CACNA1B: variants seen among roughly 807,000 people sequenced by gnomAD.
The protein encoded by CACNA1B is voltage-dependent N-type calcium channel subunit alpha-1B.
In CACNA1B, 70 loss-of-function variants were observed where a neutral mutation model predicts 247.2. That is an observed-to-expected ratio of 0.28 (90% CI 0.23 to 0.35). CACNA1B has a LOEUF of 0.35. CACNA1B is among the 10% of genes least tolerant of loss of function. The pLI, the probability that CACNA1B is intolerant of heterozygous loss-of-function variation, is 1.00. For synonymous variants in CACNA1B, 1,231 were observed against 1,294.4 expected (o/e 0.95, Z 1.05); for missense variants, 2,367 against 3,197.4 (o/e 0.74, Z 6.26).
chr9:137,902,878 C>A (rs949493701), intron 3 of CACNA1B, among the ~76,000 whole-genome samples: 1 of 152,214 alleles, frequency 6.6e-6, no homozygotes, highest in African/African-American at 2.4e-5. Flanking sequence ...ATCTGATGTC[C>A]CGGCAACCCC....
In CACNA1B at chr9:137,930,385, G is replaced by A. The variant is rs1465690359; in HGVS notation, c.966+12954G>A. Among the ~76,000 whole-genome samples, 3 of 152,074 alleles carry A rather than the reference G, an allele frequency of 2.0e-5. No individual in the cohort carries two copies. In the East Asian group the frequency reaches 5.8e-4, roughly 29 times the overall value. On this transcript the variant is annotated intron_variant, in intron 6 of 46. Transcript: ENST00000371372. The stretch of plus-strand genomic sequence containing the variant: ...TATATAGAACTGTCTTGTTTACTTT[G>A]TGTTTGGAGAGTTACCTGTTATCTT...
chr9:137,927,225 A>G (rs1957561199), intron 6 of CACNA1B, among the ~76,000 whole-genome samples: 1 of 145,504 alleles, frequency 6.9e-6, no homozygotes, highest in Non-Finnish European at 1.5e-5. Context: ...GGTGTTAGAT[A>G]AGGATCCAGC....
intron 6 of CACNA1B, among the ~76,000 whole-genome samples, chr9:137,949,119 C>CTGGTGTGTG (rs1564203185): frequency 3.1e-3 from 3 of 974 alleles, no homozygotes; most frequent in Non-Finnish European, 4.7e-3. Flanking sequence ...GGCTGTGTGT[C>CTGGTGTGTG]CAGTGTGTGT....
intron 36 of CACNA1B, 102 bp downstream of exon 36, chr9:138,078,360 A>G: frequency 1.7e-6 from 2 of 1,209,388 alleles, no homozygotes; most frequent in Non-Finnish European, 2.4e-6. Context: ...GATCCAGGCC[A>G]TGTCAGAAGC....
At chr9:137,960,401 GGGGGGA>G (rs1958003538) in intron 10 of CACNA1B, among the ~76,000 whole-genome samples, 1 of 133,834 alleles carries the variant, frequency 7.5e-6, no homozygotes, top group Non-Finnish European at 1.6e-5. Context: ...GGCCTGACTG[GGGGGGA>G]GGGGGAGGGG....
At chr9:138,092,558 G>A (rs1388436755) in intron 36 of CACNA1B, among the ~76,000 whole-genome samples, 1 of 152,098 alleles carries the variant, frequency 6.6e-6, no homozygotes, top group African/African-American at 2.4e-5. Flanking sequence ...AAACACACAT[G>A]TTTTACTAAC....
Position 137,917,161 on chromosome 9 carries a change from C to T in CACNA1B, c.776-80C>T. The T allele has an allele frequency of 5.1e-6, 7 of 1,383,640 alleles. No homozygotes were observed. Among genetic ancestry groups the T allele is most frequent in the Non-Finnish European group, 6.0e-6 (6 of 1,003,888 alleles). The allele number at this position is 1,383,640 out of a possible 1,614,324, so 85.7% of individuals were successfully genotyped here. A position where few individuals can be genotyped will look rare whatever the true frequency, so the allele number is the denominator to read the frequency against. The stretch of plus-strand genomic sequence containing the variant: ...TTCCTGCCCACCTGCTGTGAGCTCT[C>T]CAGAGCCCAGGAATCCTGGTGGGGA... On this transcript the variant is annotated intron_variant, in intron 5 of 46. Transcript: ENST00000371372. This position sits in a 1 kb window ranked among gnomAD's most constrained non-coding sequence, Gnocchi z 5.5.
rs769870349 is a variant in CACNA1B, at chr9:138,086,689, T to G, written c.5094+8431T>G. ...ATATTATTAGATCCAAAAAGAGAGATAGATTCCAGCACAGTGTCATTTGCG... is the reference window on the plus strand; with the variant it reads ...ATATTATTAGATCCAAAAAGAGAGAGAGATTCCAGCACAGTGTCATTTGCG... On this transcript the variant is annotated intron_variant, in intron 36 of 46. Transcript: ENST00000371372. 2.8e-4 allele frequency among the ~76,000 whole-genome samples: 42 copies of G among 151,446 alleles called. 2 individuals are homozygous for G. Among genetic ancestry groups the G allele is most frequent in the Admixed American group, 2.2e-3 (33 of 15,246 alleles).
chr9:137,966,208 T>G (rs1015698347), intron 10 of CACNA1B, among the ~76,000 whole-genome samples: 1 of 152,222 alleles, frequency 6.6e-6, no homozygotes, highest in East Asian at 1.9e-4. Context: ...TGTATTTACC[T>G]GGGTTCTGCC....
intron 7 of CACNA1B, among the ~76,000 whole-genome samples, chr9:137,953,867 G>A (rs1471522752): frequency 6.6e-6 from 1 of 152,114 alleles, no homozygotes; most frequent in East Asian, 1.9e-4. Flanking sequence ...AGGTGCCTGG[G>A]CTGTGCTGAG....
At chr9:138,096,068 C>T (rs1327357718) in intron 36 of CACNA1B, among the ~76,000 whole-genome samples, 1 of 152,140 alleles carries the variant, frequency 6.6e-6, no homozygotes, top group Non-Finnish European at 1.5e-5. Flanking sequence ...TGCCCCTGAA[C>T]TGTACATTTT....
Position 138,122,013 on chromosome 9 carries a change from G to T in CACNA1B, c.*14G>T, listed in dbSNP as rs200188127. 5.7e-5 allele frequency: 90 copies of T among 1,585,352 alleles called. No homozygotes were observed. Among genetic ancestry groups the T allele is most frequent in the Non-Finnish European group, 7.6e-5 (89 of 1,170,872 alleles). On this transcript the variant is annotated 3_prime_UTR_variant, in exon 47 of 47. Coordinates refer to ENST00000371372, the MANE Select transcript of CACNA1B (RefSeq NM_000718.4). The stretch of plus-strand genomic sequence containing the variant: ...CACTGGTGCTAGCTGCACCGTGACC[G>T]CTCAGACGCCTGCATGCAGCAGGCG...
chr9:138,041,203 C>T (rs1959116669), intron 20 of CACNA1B, among the ~76,000 whole-genome samples: 1 of 152,166 alleles, frequency 6.6e-6, no homozygotes, highest in East Asian at 1.9e-4. Flanking sequence ...GGGATGATTC[C>T]TATTCAGCTT....
In CACNA1B at chr9:138,046,944, T is replaced by C; in HGVS notation, c.3454T>C (p.Phe1152Leu). ...FCHYIVTMRY[F>L]EVVILVVIAL... ...CCACTACATCGTGACCATGAGGTAC[T>C]TCGAGGTGGTCATTCTCGTGGTCAT... is the stretch of plus-strand genomic sequence containing the variant. The change falls in exon 22 of 47, where the codon TTC becomes CTC. Residue 1152 changes from phenylalanine to leucine, a missense_variant. Physicochemically the swap from Phe to Leu is conservative, Grantham distance 22 (BLOSUM62 0). Coordinates refer to ENST00000371372, the MANE Select transcript of CACNA1B (RefSeq NM_000718.4). 1 of 1,613,452 alleles carries C rather than the reference T, an allele frequency of 6.2e-7. No homozygotes were observed.
intron 40 of CACNA1B, among the ~76,000 whole-genome samples, chr9:138,114,171 G>A (rs916854166): frequency 6.6e-6 from 1 of 152,162 alleles, no homozygotes; most frequent in Admixed American, 6.5e-5. Context: ...GGAGGGCCAG[G>A]TCAGCATCTG....
At chr9:138,120,438 C>T in intron 45 of CACNA1B, 66 bp downstream of exon 45, 2 of 1,466,132 alleles carry the variant, frequency 1.4e-6, no homozygotes, top group Non-Finnish European at 1.8e-6. Context: ...GTCCAAGCGG[C>T]CCATGGGGGA....
intron 3 of CACNA1B, among the ~76,000 whole-genome samples, chr9:137,884,966 C>CA (rs546496137): frequency 9.3e-6 from 1 of 107,670 alleles, no homozygotes; most frequent in African/African-American, 3.6e-5. Context: ...TTCCCCCCCC[C>CA]CCTCCTCCCA....
chr9:137,931,375 G>A (rs1271690297), intron 6 of CACNA1B, among the ~76,000 whole-genome samples: 2 of 152,110 alleles, frequency 1.3e-5, no homozygotes, highest in Non-Finnish European at 2.9e-5. Context: ...CATGGGAGGC[G>A]ACCAATCAGG....
intron 36 of CACNA1B, among the ~76,000 whole-genome samples, chr9:138,094,938 C>T (rs1209734500): frequency 6.6e-6 from 1 of 152,100 alleles, no homozygotes; most frequent in African/African-American, 2.4e-5. Context: ...TGGACCTCTA[C>T]CTCACTCAAT....
Sources: gnomAD v4.1 joint callset for allele counts (sites outside exome capture counted in the v4.1 genomes callset) on GRCh38, gnomAD v4.1.1 for gene constraint, Gnocchi (gnomAD v3.1) non-coding constraint, MANE v1.5 for transcripts, NCBI Gene and HGNC (gene_info 2026-07-23, HGNC 2026-07-21) for gene names.